The following POGZ variants were observed in gnomAD, a reference collection of about 807,000 sequenced individuals.
POGZ encodes pogo transposable element with ZNF domain.
POGZ carries 17 observed loss-of-function variants against 134.6 expected under a neutral mutation model. The ratio of observed to expected loss-of-function variants is 0.13; its 90% confidence interval spans 0.09 to 0.19. POGZ has a LOEUF of 0.19. Among genes scored for constraint, POGZ ranks in the 10% least tolerant of loss-of-function variants. POGZ has a pLI of 1.00. For synonymous variants in POGZ, 693 were observed against 657.1 expected, an observed-to-expected ratio of 1.05 and a Z score of -0.84; for missense variants, 1,306 against 1,769.7, an observed-to-expected ratio of 0.74 and a Z score of 4.70.
chr1:151,430,738 A>C lies in POGZ; in HGVS notation c.387T>G (p.Val129=). ...TMVTQPVLRP[V]QVMQNANHVT... ...CATGATTGGCATTCTGCATGACCTG[A>C]ACAGGCCTCAATACTGGTTGAGTAA... The change falls in exon 4 of 19, where the codon GTT becomes GTG. Residue 129 remains valine, a synonymous_variant. Transcript: ENST00000271715. 1 of 1,609,188 alleles carries C rather than the reference A, an allele frequency of 6.2e-7. No individual in the cohort carries two copies. Among genetic ancestry groups the C allele is most frequent in the Non-Finnish European group, 8.5e-7 (1 of 1,177,904 alleles).
At chr1:151,456,750 C>G (rs1409076536) in intron 1 of POGZ, among the ~76,000 whole-genome samples, 1 of 152,126 alleles carries the variant, frequency 6.6e-6, no homozygotes, top group Non-Finnish European at 1.5e-5. Flanking sequence ...GTCCGGAGTT[C>G]GAGACCAGCC....
intron 11 of POGZ, 122 bp from the exon 12 acceptor site, chr1:151,411,893 A>T (rs1453291401): frequency 1.3e-6 from 1 of 745,388 alleles, no homozygotes; most frequent in Non-Finnish European, 2.1e-6. Context: ...AATGCATAGA[A>T]ATCAAATTAT....
chr1:151,427,727 TA>T, intron 7 of POGZ, 95 bp downstream of exon 7: 1 of 831,542 alleles, frequency 1.2e-6, no homozygotes, highest in Non-Finnish European at 1.9e-6. Context: ...TATTTTATTT[TA>T]TTTTTCTATT....
intron 1 of POGZ, among the ~76,000 whole-genome samples, chr1:151,454,339 G>A (rs1434820688): frequency 3.3e-5 from 5 of 152,106 alleles, no homozygotes; most frequent in Admixed American, 3.3e-4. Flanking sequence ...ACTAATACCA[G>A]AAAACCTATA....
chr1:151,411,700 C>T lies in POGZ; in HGVS notation c.1851G>A (p.Arg617=), dbSNP rs759921093. 6.2e-7 allele frequency: 1 copy of T among 1,613,390 alleles called. No homozygotes were observed. The highest frequency in any genetic ancestry group is 1.1e-5 in the South Asian group (1 of 91,040). ...VHFRMIHEDT[R]HLLCPYCLKV... ...TCAGGCAATAAGGGCAGAGCAGATG[C>T]CGGGTATCCTCATGGATCATCCGAA... is the stretch of plus-strand genomic sequence containing the variant. Residue 617 remains arginine, a synonymous_variant, in exon 12 of 19, where the codon CGG becomes CGA. Coordinates refer to ENST00000271715, the MANE Select transcript of POGZ (RefSeq NM_015100.4).
chr1:151,430,980 G>A (rs1658602326), intron 3 of POGZ, 139 bp from the exon 4 acceptor site: 2 of 493,558 alleles, frequency 4.1e-6, no homozygotes, highest in Non-Finnish European at 5.9e-6. Flanking sequence ...CTGTCACCCA[G>A]GCTGGAGCAC....
At chr1:151,423,627 A>T in intron 9 of POGZ, 76 bp from the exon 10 acceptor site, 1 of 1,159,778 alleles carries the variant, frequency 8.6e-7, no homozygotes, top group East Asian at 2.4e-5. Flanking sequence ...TGGTAAAATC[A>T]CAGAACAAAC....
chr1:151,411,739 C>A lies in POGZ; in HGVS notation c.1812G>T (p.Glu604Asp), dbSNP rs764559879. 6.2e-7 allele frequency: 1 copy of A among 1,612,676 alleles called. No homozygotes were observed. The highest frequency in any genetic ancestry group is 8.5e-7 in the Non-Finnish European group (1 of 1,179,214). ...GGATCATCCGAAAATGGACATCTAC[C>A]TCAGAGTAGAGTGAGGAGCGATATT... The part of the protein sequence containing the change: ...VCQYRSSLYS[E>D]VDVHFRMIHE... Residue 604 changes from glutamate (E) to aspartate (D), a missense_variant, in exon 12 of 19, where the codon GAG becomes GAT. Glu to Asp is a conservative substitution (Grantham distance 45). Transcript: ENST00000271715.
At chr1:151,441,999 T>C in intron 2 of POGZ, 82 bp downstream of exon 2, 1 of 1,028,336 alleles carries the variant, frequency 9.7e-7, no homozygotes, top group African/African-American at 1.6e-5. Flanking sequence ...TTCAAGTCCT[T>C]TTCCATCTCA....
At position 151,423,571 on chromosome 1, in the gene POGZ, G is replaced by T; in HGVS notation, c.1524-20C>A. The T allele has an allele frequency of 6.4e-7, 1 of 1,570,418 alleles. No homozygotes were observed. Among genetic ancestry groups the T allele is most frequent in the Non-Finnish European group, 8.7e-7 (1 of 1,154,872 alleles). On this transcript the variant is annotated intron_variant, in intron 9 of 18. Coordinates refer to ENST00000271715, the MANE Select transcript of POGZ (RefSeq NM_015100.4). ...ATGAATCTGTAATAAAGCACAAAGA[G>T]AAAGTACAGAAAACATAAAAAATTG...
chr1:151,434,271 C>T (rs1659211331), intron 3 of POGZ, among the ~76,000 whole-genome samples: 1 of 152,132 alleles, frequency 6.6e-6, no homozygotes, highest in Non-Finnish European at 1.5e-5. Flanking sequence ...TGTGCCACTG[C>T]ACTCCAGTCT....
intron 1 of POGZ, among the ~76,000 whole-genome samples, chr1:151,444,207 G>A (rs1187834469): frequency 1.3e-5 from 2 of 152,100 alleles, no homozygotes; most frequent in African/African-American, 2.4e-5. Flanking sequence ...CACAAAGGGG[G>A]TGAGGAAAGA....
At chr1:151,431,837 C>A (rs1658747247) in intron 3 of POGZ, among the ~76,000 whole-genome samples, 1 of 151,874 alleles carries the variant, frequency 6.6e-6, no homozygotes, top group African/African-American at 2.4e-5. Flanking sequence ...TACTCAAAAC[C>A]AGATAGAAAA....
At chr1:151,456,774 GA>G (rs1194231887) in intron 1 of POGZ, among the ~76,000 whole-genome samples, 1 of 152,174 alleles carries the variant, frequency 6.6e-6, no homozygotes, top group African/African-American at 2.4e-5. Flanking sequence ...CCAACATGGC[GA>G]AACACTGTCT....
intron 1 of POGZ, among the ~76,000 whole-genome samples, chr1:151,453,413 A>G (rs1352906618): frequency 6.6e-6 from 1 of 151,886 alleles, no homozygotes; most frequent in Non-Finnish European, 1.5e-5. Context: ...ACCAATTTTC[A>G]TGTAGCTTGT....
chr1:151,425,152 G>A (rs1657553480), intron 7 of POGZ, 91 bp from the exon 8 acceptor site: 2 of 707,996 alleles, frequency 2.8e-6, no homozygotes, highest in Non-Finnish European at 2.6e-6. Context: ...CACTCCCTGA[G>A]AAGTATATAA....
intron 10 of POGZ, among the ~76,000 whole-genome samples, chr1:151,421,555 T>G (rs775763909): frequency 1.8e-4 from 28 of 152,136 alleles, no homozygotes; most frequent in Non-Finnish European, 3.1e-4. Flanking sequence ...GAAAACAGAT[T>G]CAAGAAAGAA....
intron 1 of POGZ, among the ~76,000 whole-genome samples, chr1:151,452,442 C>T (rs1057485520): frequency 6.6e-6 from 1 of 151,852 alleles, no homozygotes; most frequent in African/African-American, 2.4e-5. Flanking sequence ...CCTCAACCTC[C>T]TGGGCTCAGG....
chr1:151,414,834 TAGGAACTCAA>T (rs1390905752), intron 10 of POGZ, among the ~76,000 whole-genome samples: 1 of 152,044 alleles, frequency 6.6e-6, no homozygotes, highest in African/African-American at 2.4e-5. Context: ...ACTAGTGAGG[TAGGAACTCAA>T]ATATAAGGGG....
Sources: allele counts gnomAD v4.1 joint callset (sites outside exome capture counted in the v4.1 genomes callset), GRCh38; gene constraint gnomAD v4.1.1; transcripts MANE v1.5; gene names NCBI Gene and HGNC (gene_info 2026-07-23, HGNC 2026-07-21).